CKMT2: variants seen among roughly 807,000 people sequenced by gnomAD.
CKMT2 encodes the protein creatine kinase S-type, mitochondrial.
CKMT2 carries 43 observed loss-of-function variants against 48.9 expected under a neutral mutation model. The ratio of observed to expected loss-of-function variants is 0.88; its 90% confidence interval spans 0.69 to 1.13. The LOEUF is 1.13. Among genes scored for constraint, CKMT2 ranks in the 50% most tolerant of loss-of-function variants. The probability of loss-of-function intolerance (pLI) is 0.00; values close to 1 mark genes in which losing one functional copy is unlikely to be tolerated. For missense variants in CKMT2, 472 were observed against 555.4 expected, an observed-to-expected ratio of 0.85 and a Z score of 1.51; for synonymous variants, 206 against 213.0, an observed-to-expected ratio of 0.97 and a Z score of 0.29.
At chr5:81,265,429 T>C (rs1757354736) in intron 9 of CKMT2, among the ~76,000 whole-genome samples, 1 of 152,140 alleles carries the variant, frequency 6.6e-6, no homozygotes. Context: ...TTTAGTTGTA[T>C]AATGTATGTC....
At chr5:81,255,293 C>A in intron 5 of CKMT2, 79 bp downstream of exon 5, 1 of 1,275,198 alleles carries the variant, frequency 7.8e-7, no homozygotes, top group Non-Finnish European at 1.1e-6. Flanking sequence ...TCCTGGTGCT[C>A]TGCTCAGTCC....
intron 1 of CKMT2, among the ~76,000 whole-genome samples, chr5:81,243,454 T>C (rs1161793420): frequency 6.6e-6 from 1 of 152,136 alleles, no homozygotes; most frequent in Non-Finnish European, 1.5e-5. Flanking sequence ...ATTTGTTGCA[T>C]TAGCACAAAA....
At chr5:81,261,034 C>T (rs543193102) in intron 8 of CKMT2, among the ~76,000 whole-genome samples, 1 of 152,324 alleles carries the variant, frequency 6.6e-6, no homozygotes, top group East Asian at 1.9e-4. Context: ...AACTCAGCTT[C>T]ATCTCTGAGA....
chr5:81,254,540 C>G, intron 4 of CKMT2, 49 bp downstream of exon 4: 1 of 1,540,292 alleles, frequency 6.5e-7, no homozygotes, highest in South Asian at 1.1e-5. Context: ...CACTCCTGAG[C>G]CCAAGGGGAA....
chr5:81,254,521 C>A (rs199944303), intron 4 of CKMT2, 30 bp downstream of exon 4: 2 of 1,594,430 alleles, frequency 1.3e-6, no homozygotes, highest in Non-Finnish European at 1.7e-6. Context: ...TCCTTCCCCA[C>A]GAAGCTGGCA....
intron 9 of CKMT2, among the ~76,000 whole-genome samples, chr5:81,265,074 A>G (rs1287696558): frequency 1.3e-5 from 2 of 152,156 alleles, no homozygotes; most frequent in Non-Finnish European, 1.5e-5. Flanking sequence ...TTCTAATCAC[A>G]ACTCTGGTTA....
At chr5:81,249,112 A>G (rs936628894) in intron 1 of CKMT2, among the ~76,000 whole-genome samples, 3 of 150,010 alleles carry the variant, frequency 2.0e-5, no homozygotes, top group African/African-American at 7.4e-5. Flanking sequence ...GCAGTGGTAT[A>G]ATCTTGGCTC....
At chr5:81,241,959 T>TAAA (rs369086839) in intron 1 of CKMT2, among the ~76,000 whole-genome samples, 82 of 140,630 alleles carry the variant, frequency 5.8e-4, no homozygotes, top group Admixed American at 9.8e-4. Flanking sequence ...TCAGAACCCC[T>TAAA]AAAAAAAAAA....
chr5:81,265,122 G>A (rs1057048761), intron 9 of CKMT2, among the ~76,000 whole-genome samples: 2 of 152,114 alleles, frequency 1.3e-5, no homozygotes, highest in African/African-American at 4.8e-5. Context: ...GAATTCCTGG[G>A]TTAAAACCAG....
At position 81,257,723 on chromosome 5, in the gene CKMT2, T is replaced by G. The variant is rs1329256888; in HGVS notation, c.756-10T>G. 6.2e-7 allele frequency: 1 copy of G among 1,608,020 alleles called. No individual in the cohort carries two copies. Among genetic ancestry groups the G allele is most frequent in the African/African-American group, 1.3e-5 (1 of 74,608 alleles). ...ATTAACACTCAGTACCATATTTCTC[T>G]CTTCATTAGGCATAATTATGATAAG... On this transcript the variant is annotated splice_polypyrimidine_tract_variant and intron_variant, in intron 6 of 9. Transcript: ENST00000254035.
intron 8 of CKMT2, 144 bp downstream of exon 8, chr5:81,259,398 C>G (rs1359983082): frequency 1.5e-6 from 1 of 683,398 alleles, no homozygotes; most frequent in African/African-American, 1.8e-5. Flanking sequence ...ATTAAGTTTG[C>G]CTCCAAAGAC....
chr5:81,255,311 A>T (rs949298590), intron 5 of CKMT2, 97 bp downstream of exon 5: 2 of 1,099,282 alleles, frequency 1.8e-6, no homozygotes, highest in Non-Finnish European at 1.3e-6. Context: ...TCCTTACCCT[A>T]GCTGGGAGCT....
At chr5:81,258,038 T>C (rs1266103864) in intron 7 of CKMT2, 182 bp downstream of exon 7, 2 of 484,478 alleles carry the variant, frequency 4.1e-6, no homozygotes, top group Non-Finnish European at 7.3e-6. Flanking sequence ...TAGCTGGGAT[T>C]ACAGGTGCCA....
chr5:81,240,147 G>A (rs2112782935), intron 1 of CKMT2, among the ~76,000 whole-genome samples: 1 of 152,132 alleles, frequency 6.6e-6, no homozygotes, highest in East Asian at 1.9e-4. Flanking sequence ...CTGACCGCCT[G>A]GAAGCCTGTA....
At chr5:81,259,419 G>T in intron 8 of CKMT2, 165 bp downstream of exon 8, 2 of 563,926 alleles carry the variant, frequency 3.5e-6, no homozygotes, top group South Asian at 9.3e-5. Context: ...ATTTGTATTA[G>T]TTAGAATAAA....
At chr5:81,254,731 A>G (rs1756937668) in intron 4 of CKMT2, 3 of 596,632 alleles carry the variant, frequency 5.0e-6, no homozygotes, top group Non-Finnish European at 8.9e-6. Flanking sequence ...AACCTTTCCT[A>G]AAGCTACTCC....
chr5:81,258,254 T>G (rs1757086151), intron 7 of CKMT2, among the ~76,000 whole-genome samples: 3 of 152,124 alleles, frequency 2.0e-5, no homozygotes, highest in South Asian at 2.1e-4. Context: ...TTTTTTGGAG[T>G]GCAACTTCCA....
chr5:81,240,070 C>T (rs1756385391), intron 1 of CKMT2, among the ~76,000 whole-genome samples: 1 of 152,108 alleles, frequency 6.6e-6, no homozygotes, highest in African/African-American at 2.4e-5. Context: ...TGCTGCCCAC[C>T]ATGGCTTCTC....
At chr5:81,249,834 G>C (rs1254554181) in intron 1 of CKMT2, among the ~76,000 whole-genome samples, 1 of 152,100 alleles carries the variant, frequency 6.6e-6, no homozygotes, top group African/African-American at 2.4e-5. Context: ...ATCTACCTGG[G>C]CTCATTATCA....
Sources: allele counts gnomAD v4.1 joint callset (sites outside exome capture counted in the v4.1 genomes callset), GRCh38; gene constraint gnomAD v4.1.1; transcripts MANE v1.5; gene names NCBI Gene and HGNC (gene_info 2026-07-23, HGNC 2026-07-21).